Variants in TBATA observed in about 807,000 individuals in gnomAD.
TBATA encodes the protein thymus, brain and testes associated, also known as protein TBATA.
Under a neutral mutation model 38.7 loss-of-function variants are expected in TBATA, and 47 were observed. That is an observed-to-expected ratio of 1.21 (90% CI 0.96 to 1.55). The LOEUF is 1.55. Among genes scored for constraint, TBATA ranks in the 40% most tolerant of loss-of-function variants. The pLI is 0.00. For synonymous variants in TBATA, 183 were observed against 170.5 expected, an observed-to-expected ratio of 1.07 and a Z score of -0.57; for missense variants, 436 against 435.6, an observed-to-expected ratio of 1.00 and a Z score of -0.01.
intron 7 of TBATA, chr10:70,776,383 G>A (rs575052304): frequency 2.8e-5 from 13 of 456,276 alleles, no homozygotes; most frequent in South Asian, 6.2e-5. Flanking sequence ...AGGTGAGGCC[G>A]CCCTATGGTG....
intron 3 of TBATA, among the ~76,000 whole-genome samples, chr10:70,783,029 G>C (rs1009254417): frequency 6.6e-6 from 1 of 152,254 alleles, no homozygotes; most frequent in African/African-American, 2.4e-5. Flanking sequence ...GAAAGTTGCA[G>C]TTAGCTGTCC....
At chr10:70,779,824 A>T (rs555746634) in intron 4 of TBATA, 82 bp from the exon 5 acceptor site, 10 of 1,410,936 alleles carry the variant, frequency 7.1e-6, no homozygotes, top group Admixed American at 5.8e-5. Context: ...GCTGAGAGGC[A>T]GGGTGATTCC....
At chr10:70,774,500 C>A in intron 8 of TBATA, 143 bp from the exon 9 acceptor site, 2 of 728,782 alleles carry the variant, frequency 2.7e-6, no homozygotes, top group Non-Finnish European at 4.5e-6. Flanking sequence ...GGGAGAGCTC[C>A]CCCTTCTCTC....
At chr10:70,777,005 G>T in intron 7 of TBATA, 148 bp downstream of exon 7, 1 of 744,058 alleles carries the variant, frequency 1.3e-6, no homozygotes, top group Non-Finnish European at 2.1e-6. Context: ...GGGGGTCATA[G>T]CCCCTGCTGC....
chr10:70,778,442 A>T lies in TBATA; in HGVS notation c.507+115T>A, dbSNP rs374586334. On this transcript the variant is annotated intron_variant, in intron 6 of 10. Coordinates refer to ENST00000456372, the MANE Select transcript of TBATA (RefSeq NM_001318241.2). ...TGACCTTTCCCCTGACGTTTGTATGAATCAGTCCCCCCACCCCACCTCTGG... is the reference window on the plus strand; with the variant it reads ...TGACCTTTCCCCTGACGTTTGTATGTATCAGTCCCCCCACCCCACCTCTGG... The T allele has an allele frequency of 1.2e-4, 118 of 1,017,572 alleles. No homozygotes were observed. In the African/African-American group the frequency reaches 1.8e-3, roughly 15 times the overall value. The allele number at this position is 1,017,572 out of a possible 1,614,324, so 63.0% of individuals were successfully genotyped here.
chr10:70,775,341 G>T, intron 7 of TBATA, 71 bp from the exon 8 acceptor site: 2 of 1,375,248 alleles, frequency 1.5e-6, no homozygotes, highest in Non-Finnish European at 2.1e-6. Flanking sequence ...TAGGTTTGGA[G>T]GGCACCAAGG....
At chr10:70,778,681 T>C in intron 5 of TBATA, 45 bp from the exon 6 acceptor site, 2 of 1,543,712 alleles carry the variant, frequency 1.3e-6, no homozygotes, top group Non-Finnish European at 1.8e-6. Context: ...TCAGGGGCCC[T>C]CCTCCCCTCC....
Position 70,782,448 on chromosome 10 carries a change from T to C in TBATA, c.42-412A>G, listed in dbSNP as rs946531025. 27 of 1,293,982 alleles carry C rather than the reference T, an allele frequency of 2.1e-5. No homozygotes were observed. The African/African-American group carries it at 3.5e-4, about 17-fold the overall frequency. The allele number at this position is 1,293,982 out of a possible 1,614,324, so 80.2% of individuals were successfully genotyped here. The stretch of plus-strand genomic sequence containing the variant: ...ACAGGGGCCTCTCCCCAAGCCAGAC[T>C]GTGGACAGCCCAGAGGCCAGCTATA... On this transcript the variant is annotated intron_variant, in intron 3 of 10. Transcript: ENST00000456372.
At chr10:70,775,163 A>G in intron 8 of TBATA, 26 bp downstream of exon 8, 3 of 1,595,952 alleles carry the variant, frequency 1.9e-6, no homozygotes, top group Non-Finnish European at 2.6e-6. Context: ...CTCCACTGAG[A>G]CAGTGCTGCG....
intron 2 of TBATA, among the ~76,000 whole-genome samples, chr10:70,784,083 AGTTCCAGAGGACCACAT>A (rs1403373371): frequency 1.3e-5 from 2 of 152,142 alleles, no homozygotes; most frequent in Admixed American, 6.5e-5. Flanking sequence ...GAGGACCACA[AGTTCCAGAGGACCACAT>A]AGCCTGAGAT....
At chr10:70,772,124 T>G (rs989330174) in intron 10 of TBATA, 1 of 438,152 alleles carries the variant, frequency 2.3e-6, no homozygotes, top group East Asian at 6.6e-5. Context: ...GAGCTGTATC[T>G]TTCCTGCCGT....
intron 5 of TBATA, 135 bp from the exon 6 acceptor site, chr10:70,778,771 C>T (rs925282853): frequency 6.7e-6 from 5 of 740,970 alleles, no homozygotes; most frequent in South Asian, 2.8e-5. Context: ...AAGGGGGAGG[C>T]GGTGCCCTGG....
At chr10:70,777,469 G>T in intron 6 of TBATA, 131 bp from the exon 7 acceptor site, 1 of 817,420 alleles carries the variant, frequency 1.2e-6, no homozygotes, top group Non-Finnish European at 1.9e-6. Context: ...GCATCACAGC[G>T]TTGCCAGGGT....
chr10:70,777,320 CCTCCTTCTG>C lies in TBATA; in HGVS notation c.517_525del (p.Gln173_Glu175del). 4 of 1,613,444 alleles carry C rather than the reference CCTCCTTCTG, an allele frequency of 2.5e-6. No individual in the cohort carries two copies. The highest frequency in any genetic ancestry group is 2.5e-6 in the Non-Finnish European group (3 of 1,179,812). Reference sequence around the variant, plus strand: ...TTTGCCCCCTGCTCCCGCAGAGGCTCCTCCTTCTGCTCCTTCTGCTGGGACAAAAGTGGC... The same window carrying C: ...TTTGCCCCCTGCTCCCGCAGAGGCTCCTCCTTCTGCTGGGACAAAAGTGGC... On this transcript the variant is annotated inframe_deletion, in exon 7 of 11. Transcript: ENST00000456372.
At chr10:70,778,890 C>T (rs1843767479) in intron 5 of TBATA, 3 of 571,642 alleles carry the variant, frequency 5.2e-6, no homozygotes, top group Admixed American at 5.7e-5. Flanking sequence ...GATGTCCTAG[C>T]CTGTGGCATT....
chr10:70,774,907 A>AT (rs1158970863), intron 8 of TBATA, among the ~76,000 whole-genome samples: 2 of 151,618 alleles, frequency 1.3e-5, no homozygotes, highest in Admixed American at 6.6e-5. Context: ...CAGTCTTTGG[A>AT]TTTTTTCCTC....
Position 70,777,209 on chromosome 10 carries a change from A to G in TBATA, c.637T>C (p.Ser213Pro). The change falls in exon 7 of 11, where the codon TCT becomes CCT. Residue 213 changes from serine (S) to proline (P), a missense_variant. Coordinates refer to ENST00000456372, the MANE Select transcript of TBATA (RefSeq NM_001318241.2). ...RRSHQGQQSQ[S>P]SSRHEGVQAF... ...TGGACTCCTTCATGTCTGCTGGAAG[A>G]CTGACTCTGCTGGCCCTGGTGAGAT... is the stretch of plus-strand genomic sequence containing the variant. 2 of 1,613,518 alleles carry G rather than the reference A, an allele frequency of 1.2e-6. No individual in the cohort carries two copies. The highest frequency in any genetic ancestry group is 1.7e-6 in the Non-Finnish European group (2 of 1,179,920).
chr10:70,784,806 T>C (rs1310075773), intron 1 of TBATA, 33 bp from the exon 2 acceptor site: 2 of 152,200 alleles, frequency 1.3e-5, no homozygotes, highest in African/African-American at 2.4e-5. Context: ...GAACAGAGAC[T>C]TGCAAATGTG....
chr10:70,777,370 G>T, intron 6 of TBATA, 32 bp from the exon 7 acceptor site: 1 of 1,599,770 alleles, frequency 6.3e-7, no homozygotes. Flanking sequence ...ACTCCAGGCA[G>T]TCAGCAAGAG....
Sources: gnomAD v4.1 joint callset for allele counts (sites outside exome capture counted in the v4.1 genomes callset) on GRCh38, gnomAD v4.1.1 for gene constraint, MANE v1.5 for transcripts, NCBI Gene and HGNC (gene_info 2026-07-23, HGNC 2026-07-21) for gene names.